Variants in FOCAD observed in about 807,000 individuals in gnomAD.
FOCAD encodes focadhesin.
FOCAD carries 198 observed loss-of-function variants against 225.6 expected under a neutral mutation model. The observed-to-expected ratio is 0.88, with a 90% CI of 0.78 to 0.99. The LOEUF (loss-of-function observed/expected upper bound fraction) is 0.99, where lower values mean the gene tolerates loss of function less well. Among genes scored for constraint, FOCAD ranks in the 50% least tolerant of loss-of-function variants. FOCAD has a pLI of 0.00. For synonymous variants in FOCAD, 897 were observed against 755.0 expected (o/e 1.19, Z -3.08); for missense variants, 2,713 against 2,123.6 (o/e 1.28, Z -5.46).
intron 40 of FOCAD, among the ~76,000 whole-genome samples, chr9:20,987,704 A>G (rs7030990): frequency 0.19 from 29,667 of 152,152 alleles, 3,476 homozygotes; most frequent in South Asian, 0.32. Context: ...TACATGCAAT[A>G]AACTGAAATA....
rs146887009 is a variant in FOCAD at position 20,685,304 on chromosome 9, C to G, written c.-33+1011C>G. 2.2e-3 allele frequency among the ~76,000 whole-genome samples: 337 copies of G among 151,622 alleles called. 3 individuals are homozygous for G. The highest frequency in any genetic ancestry group is 2.2e-3 in the Non-Finnish European group (150 of 67,972). ...AGTAATGACTCCAGGTTTCAGTGGC[C>G]TATCTGTAAGAAGAGGAATGGGATT... On this transcript the variant is annotated intron_variant, in intron 1 of 43. Transcript: ENST00000338382.
intron 30 of FOCAD, 35 bp from the exon 31 acceptor site, chr9:20,948,232 TTTTC>T (rs1175201284): frequency 1.3e-6 from 2 of 1,551,590 alleles, no homozygotes; most frequent in Admixed American, 4.0e-5. Flanking sequence ...TGTCTTTTTT[TTTTC>T]TTTTTCTTAC....
intron 11 of FOCAD, among the ~76,000 whole-genome samples, chr9:20,795,174 G>C (rs1027097957): frequency 5.3e-5 from 8 of 152,128 alleles, no homozygotes; most frequent in Non-Finnish European, 1.0e-4. Flanking sequence ...TTTGGCAACT[G>C]AGTAGTTCTA....
intron 18 of FOCAD, among the ~76,000 whole-genome samples, chr9:20,868,136 A>G (rs1368395801): frequency 6.6e-6 from 1 of 152,132 alleles, no homozygotes; most frequent in Non-Finnish European, 1.5e-5. Flanking sequence ...AGACTGCATT[A>G]TGATGACCAG....
intron 28 of FOCAD, among the ~76,000 whole-genome samples, chr9:20,935,239 G>T (rs1424525265): frequency 1.3e-5 from 2 of 152,092 alleles, no homozygotes; most frequent in East Asian, 3.8e-4. Context: ...TGAAAACCAG[G>T]TTTCAGCAAT....
chr9:20,990,027 A>G, intron 41 of FOCAD, 96 bp from the exon 42 acceptor site: 2 of 1,447,766 alleles, frequency 1.4e-6, no homozygotes. Context: ...GAAGGGGAAG[A>G]TGACATTGCC....
intron 1 of FOCAD, among the ~76,000 whole-genome samples, chr9:20,694,766 C>A (rs765417565): frequency 2.0e-5 from 3 of 152,036 alleles, no homozygotes; most frequent in Non-Finnish European, 4.4e-5. Context: ...TAGTAATTGT[C>A]TTTAATTAAT....
intron 35 of FOCAD, among the ~76,000 whole-genome samples, chr9:20,959,187 A>G (rs954087332): frequency 2.0e-5 from 3 of 152,196 alleles, no homozygotes; most frequent in East Asian, 3.9e-4. Context: ...CACATCCTCA[A>G]CAGCATTTGC....
rs117470132 is a variant in FOCAD at position 20,802,927 on chromosome 9, G to A, written c.1455+13319G>A. On this transcript the variant is annotated intron_variant, in intron 11 of 43. Coordinates refer to ENST00000338382, the MANE Select transcript of FOCAD (RefSeq NM_001375567.1). ...GTACTTGGTAACACTTGGCTAATTA[G>A]TTTGTTACAGTATATATGTGAAAGT... is the stretch of plus-strand genomic sequence containing the variant. Among the ~76,000 whole-genome samples the A allele has an allele frequency of 4.2e-3, 643 of 152,148 alleles. 4 individuals carry two copies. The highest frequency in any genetic ancestry group is 7.2e-3 in the Non-Finnish European group (490 of 67,988).
At chr9:20,784,391 A>G (rs1819700952) in intron 10 of FOCAD, among the ~76,000 whole-genome samples, 1 of 152,228 alleles carries the variant, frequency 6.6e-6, no homozygotes, top group African/African-American at 2.4e-5. Context: ...GCACAGCTGT[A>G]GGATCACATA....
At chr9:20,982,985 A>G (rs1587782399) in intron 39 of FOCAD, among the ~76,000 whole-genome samples, 1 of 152,216 alleles carries the variant, frequency 6.6e-6, no homozygotes, top group Non-Finnish European at 1.5e-5. Flanking sequence ...AATGGTCTAG[A>G]GAACTGTGAG....
At chr9:20,730,156 T>C (rs545225508) in intron 4 of FOCAD, among the ~76,000 whole-genome samples, 2 of 152,302 alleles carry the variant, frequency 1.3e-5, no homozygotes, top group South Asian at 4.1e-4. Context: ...GGGATTGTGT[T>C]CTTTTCTCAG....
At chr9:20,867,948 C>T (rs1305254580) in intron 18 of FOCAD, among the ~76,000 whole-genome samples, 3 of 151,920 alleles carry the variant, frequency 2.0e-5, no homozygotes, top group Non-Finnish European at 4.4e-5. Context: ...ATTGGAGCCA[C>T]GATATAAAAA....
At chr9:20,846,304 A>G (rs1827103999) in intron 15 of FOCAD, among the ~76,000 whole-genome samples, 1 of 152,110 alleles carries the variant, frequency 6.6e-6, no homozygotes, top group South Asian at 2.1e-4. Flanking sequence ...ATTAGGCTGC[A>G]CAGAATCAAA....
At chr9:20,958,564 T>C (rs752402548) in intron 35 of FOCAD, among the ~76,000 whole-genome samples, 5 of 152,154 alleles carry the variant, frequency 3.3e-5, no homozygotes, top group Non-Finnish European at 7.4e-5. Context: ...TCCTCCTAGC[T>C]ACTTGAAACT....
intron 35 of FOCAD, among the ~76,000 whole-genome samples, chr9:20,970,415 G>A (rs909549650): frequency 1.3e-5 from 2 of 151,836 alleles, no homozygotes; most frequent in Admixed American, 6.6e-5. Context: ...TTTAGTTGAC[G>A]TATCTTTATG....
At chr9:20,900,250 C>T (rs1832443826) in intron 21 of FOCAD, among the ~76,000 whole-genome samples, 2 of 151,928 alleles carry the variant, frequency 1.3e-5, no homozygotes, top group South Asian at 4.1e-4. Context: ...TTCTTGGGCA[C>T]ATGCAAATTT....
In FOCAD at chr9:20,743,239, G is replaced by T. The variant is rs1827773896; in HGVS notation, c.392+2899G>T. On this transcript the variant is annotated intron_variant, in intron 5 of 43. Coordinates refer to ENST00000338382, the MANE Select transcript of FOCAD (RefSeq NM_001375567.1). ...TATGAGAAACTTAGAACTCCACTGAGAGGTGTTTTCTGGTTATTCTGTAGG... is the reference window on the plus strand; with the variant it reads ...TATGAGAAACTTAGAACTCCACTGATAGGTGTTTTCTGGTTATTCTGTAGG... 3.9e-5 allele frequency among the ~76,000 whole-genome samples: 6 copies of T among 152,324 alleles called. No individual in the cohort carries two copies. The South Asian group carries it at 1.2e-3, about 32-fold the overall frequency.
At chr9:20,982,282 C>A (rs1382631061) in intron 38 of FOCAD, 75 bp from the exon 39 acceptor site, 1 of 1,082,040 alleles carries the variant, frequency 9.2e-7, no homozygotes, top group Non-Finnish European at 1.4e-6. Context: ...ATAAGAAAAT[C>A]TAATAATTTG....
Sources: gnomAD v4.1 joint callset for allele counts (sites outside exome capture counted in the v4.1 genomes callset) on GRCh38, gnomAD v4.1.1 for gene constraint, MANE v1.5 for transcripts, NCBI Gene and HGNC (gene_info 2026-07-23, HGNC 2026-07-21) for gene names.